GSDMD: variants seen among roughly 807,000 people sequenced by gnomAD.
GSDMD encodes gasdermin D, also known as gasdermin-D.
Under a neutral mutation model 46.7 loss-of-function variants are expected in GSDMD, and 46 were observed. The ratio of observed to expected loss-of-function variants is 0.99; its 90% CI spans 0.78 to 1.26. The LOEUF (loss-of-function observed/expected upper bound fraction) is 1.26, where lower values mean the gene tolerates loss of function less well. GSDMD is among the 50% of genes most tolerant of loss of function. The probability of loss-of-function intolerance (pLI) is 0.00; values close to 1 mark genes in which losing one functional copy is unlikely to be tolerated. For missense variants in GSDMD, 649 were observed against 638.8 expected, an observed-to-expected ratio of 1.02 and a Z score of -0.17; for synonymous variants, 307 against 283.1, an observed-to-expected ratio of 1.08 and a Z score of -0.85.
In GSDMD at chr8:143,560,624, C is replaced by CA; in HGVS notation, c.435dup (p.Val146SerfsTer17). On this transcript the variant is annotated frameshift_variant, in exon 4 of 11. Coordinates refer to ENST00000262580, the MANE Select transcript of GSDMD (RefSeq NM_024736.7). LOFTEE classifies it high-confidence loss of function. ...ACAGGCACCTGCGGCAGCCAGAACA[C>CA]AAAGTCCTGCAGCAGCTGCGCAGCC... The CA allele has an allele frequency of 1.3e-6, 2 of 1,588,220 alleles. No homozygotes were observed. The highest frequency in any genetic ancestry group is 1.7e-6 in the Non-Finnish European group (2 of 1,167,856).
At position 143,559,742 on chromosome 8, in the gene GSDMD, C is replaced by T. The variant is rs201573599; in HGVS notation, c.218-35C>T. 1,513 of 1,545,334 alleles carry T rather than the reference C, an allele frequency of 9.8e-4. 27 individuals carry two copies. The Admixed American group carries it at 0.025, about 25-fold the overall frequency. On this transcript the variant is annotated intron_variant, in intron 2 of 10. Transcript: ENST00000262580. Reference sequence around the variant, plus strand: ...TGGTGGGGGCGGGGGAGAGGCGGGGCGCTGGGCACAGCCTCAGGTCTGGCC... The same window carrying T: ...TGGTGGGGGCGGGGGAGAGGCGGGGTGCTGGGCACAGCCTCAGGTCTGGCC...
chr8:143,560,494 T>C (rs1348939933), intron 3 of GSDMD, 109 bp from the exon 4 acceptor site: 2 of 1,231,916 alleles, frequency 1.6e-6, no homozygotes, highest in Non-Finnish European at 2.2e-6. Flanking sequence ...CCCACAGACC[T>C]CTGGAGGGCC....
rs146361019 is a variant in GSDMD at position 143,559,880 on chromosome 8, G to A, written c.321G>A (p.Gly107=). The A allele has an allele frequency of 1.0e-4, 162 of 1,612,770 alleles. No homozygotes were observed. The African/African-American group carries it at 1.9e-3, about 19-fold the overall frequency. Residue 107 remains glycine (G), a synonymous_variant, in exon 3 of 11, where the codon GGG becomes GGA. Coordinates refer to ENST00000262580, the MANE Select transcript of GSDMD (RefSeq NM_024736.7). Reference sequence around the variant, plus strand: ...CAGGACAGGCAAAGATCGCAGGCGGGGCCGCGGTGTCTGACAGCTCCAGCA... The same window carrying A: ...CAGGACAGGCAAAGATCGCAGGCGGAGCCGCGGTGTCTGACAGCTCCAGCA... The part of the protein sequence containing the change: ...AAPGQAKIAG[G]AAVSDSSSTS...
At chr8:143,557,295 CG>C (rs1563902485), upstream of GSDMD, among the ~76,000 whole-genome samples, 246 of 130,848 alleles carry the variant, frequency 1.9e-3, 5 homozygotes, top group East Asian at 0.026. Context: ...GCCGCTATGG[CG>C]AAGGATGCTG....
chr8:143,555,939 T>C (rs778306426), upstream of GSDMD: 1 of 152,190 alleles, frequency 6.6e-6, no homozygotes, highest in Non-Finnish European at 1.5e-5. Context: ...TACAGCCAGG[T>C]GCGGTGACTC....
rs776026923 is a variant in GSDMD at position 143,561,695 on chromosome 8, C to A, written c.737-47C>A. On this transcript the variant is annotated intron_variant, in intron 6 of 10. Transcript: ENST00000262580. ...GCCTCAGCCCTCTCTGGCTCAGACA[C>A]CCTTCCCCGGCACTGACCAGCCCTG... 5.4e-6 allele frequency: 8 copies of A among 1,477,936 alleles called. No homozygotes were observed. The South Asian group carries it at 8.3e-5, about 15-fold the overall frequency. 91.6% of individuals were successfully genotyped at this position (1,477,936 alleles called of 1,614,324 possible).
intron 1 of GSDMD, 52 bp from the exon 2 acceptor site, chr8:143,559,280 T>TAACAA: frequency 1.7e-6 from 1 of 579,428 alleles, no homozygotes. Context: ...CTTCTCCCAC[T>TAACAA]CCCTCCCGCC....
At chr8:143,560,458 A>T in intron 3 of GSDMD, 145 bp from the exon 4 acceptor site, 1 of 818,194 alleles carries the variant, frequency 1.2e-6, no homozygotes, top group Non-Finnish European at 1.9e-6. Context: ...TGGGGAGCAC[A>T]CGGAGAGGCT....
At chr8:143,560,928 C>T (rs757673932) in intron 4 of GSDMD, 74 bp from the exon 5 acceptor site, 1 of 1,503,944 alleles carries the variant, frequency 6.6e-7, no homozygotes. Context: ...GGGCCTGCCC[C>T]CGGCACCCGG....
At position 143,559,904 on chromosome 8, in the gene GSDMD, C is replaced by T; in HGVS notation, c.345C>T (p.Ser115=). The T allele has an allele frequency of 6.2e-7, 1 of 1,612,852 alleles. No individual in the cohort carries two copies. The highest frequency in any genetic ancestry group is 8.5e-7 in the Non-Finnish European group (1 of 1,179,984). ...AGGAAVSDSS[S]TSMNVYSLSV... is the part of the protein sequence containing the mutation. ...GGGCCGCGGTGTCTGACAGCTCCAG[C>T]ACCTCAATGAATGTGTACTCGCTGA... Residue 115 remains serine, a synonymous_variant, in exon 3 of 11, where the codon AGC becomes AGT. Coordinates refer to ENST00000262580, the MANE Select transcript of GSDMD (RefSeq NM_024736.7).
In GSDMD at chr8:143,562,810, C is replaced by G. The variant is rs767513470; in HGVS notation, c.1361C>G (p.Pro454Arg). 5 of 1,605,592 alleles carry G rather than the reference C, an allele frequency of 3.1e-6. No homozygotes were observed. Among genetic ancestry groups the G allele is most frequent in the African/African-American group, 2.7e-5 (2 of 74,690 alleles). Residue 454 changes from proline (P) to arginine (R), a missense_variant, in exon 11 of 11, where the codon CCC (proline) becomes CGC (arginine). Physicochemically the swap from Pro to Arg is moderately radical, Grantham distance 103 (BLOSUM62 -2). Transcript: ENST00000262580. Reference protein sequence around the residue: ...ECGLELGEDTPHVCWEPQAQG... With the variant: ...ECGLELGEDTRHVCWEPQAQG... ...GGCCTAGAGCTGGGGGAGGACACTC[C>G]CCACGTGTGCTGGGAGCCGCAGGCC...
At chr8:143,557,335 GGTGAAGGATGCTGCCGCTT>G (rs1823321510), upstream of GSDMD, among the ~76,000 whole-genome samples, 1 of 41,066 alleles carries the variant, frequency 2.4e-5, no homozygotes, top group Non-Finnish European at 5.6e-5. Context: ...CTGCCGCTAT[GGTGAAGGATGCTGCCGCTT>G]TGGCGAAGGA....
chr8:143,561,972 G>A lies in GSDMD; in HGVS notation c.837G>A (p.Ala279=), dbSNP rs776726306. ...CTGTCCCTACAGATGGGGTCCCTGC[G>A]GAGGGGGCGTTCACTGAAGACTTCC... The part of the protein sequence containing the change: ...LHNFLTDGVP[A]EGAFTEDFQG... Residue 279 remains alanine, a synonymous_variant, in exon 8 of 11, where the codon GCG becomes GCA. Coordinates refer to ENST00000262580, the MANE Select transcript of GSDMD (RefSeq NM_024736.7). 9.3e-6 allele frequency: 15 copies of A among 1,608,548 alleles called. No individual in the cohort carries two copies. The highest frequency in any genetic ancestry group is 1.6e-4 in the Middle Eastern group (1 of 6,062).
Position 143,559,741 on chromosome 8 carries a change from G to T in GSDMD, c.218-36G>T, listed in dbSNP as rs560694622. On this transcript the variant is annotated intron_variant, in intron 2 of 10. Coordinates refer to ENST00000262580, the MANE Select transcript of GSDMD (RefSeq NM_024736.7). Reference sequence around the variant, plus strand: ...CTGGTGGGGGCGGGGGAGAGGCGGGGCGCTGGGCACAGCCTCAGGTCTGGC... The same window carrying T: ...CTGGTGGGGGCGGGGGAGAGGCGGGTCGCTGGGCACAGCCTCAGGTCTGGC... The T allele has an allele frequency of 4.2e-4, 655 of 1,554,330 alleles. 3 individuals carry two copies. The African/African-American group carries it at 7.8e-3, about 18-fold the overall frequency.
chr8:143,558,876 G>A (rs1478452457), intron 1 of GSDMD: 2 of 488,060 alleles, frequency 4.1e-6, no homozygotes, highest in African/African-American at 2.1e-5. Context: ...GGCTCATGGA[G>A]CTCCAGGCAC....
In GSDMD at chr8:143,561,184, T is replaced by C. The variant is rs1451495644; in HGVS notation, c.682+80T>C. The C allele has an allele frequency of 2.2e-6, 3 of 1,365,902 alleles. No individual in the cohort carries two copies. In the Admixed American group the frequency reaches 5.7e-5, roughly 26 times the overall value. The allele number at this position is 1,365,902 out of a possible 1,614,324, so 84.6% of individuals were successfully genotyped here. A position where few individuals can be genotyped will look rare whatever the true frequency, so the allele number is the denominator to read the frequency against. ...GCCTGGGGAGAGCTACCCGCCAGCTTGGGCTGCCGTGGGCCCCTGGCTGAA... is the reference window on the plus strand; with the variant it reads ...GCCTGGGGAGAGCTACCCGCCAGCTCGGGCTGCCGTGGGCCCCTGGCTGAA... On this transcript the variant is annotated intron_variant, in intron 5 of 10. Transcript: ENST00000262580.
At position 143,560,841 on chromosome 8, in the gene GSDMD, G is replaced by C. The variant is rs536461751; in HGVS notation, c.579+70G>C. 292 of 1,447,798 alleles carry C rather than the reference G, an allele frequency of 2.0e-4. 5 individuals are homozygous for C. The South Asian group carries it at 3.9e-3, about 19-fold the overall frequency. The allele number at this position is 1,447,798 out of a possible 1,614,324, so 89.7% of individuals were successfully genotyped here. ...TGCGGCGGCGGGTGACGGAGGCGGC[G>C]GGCTGGGCTCCGCCAAGGCCCCTCG... On this transcript the variant is annotated intron_variant, in intron 4 of 10. Coordinates refer to ENST00000262580, the MANE Select transcript of GSDMD (RefSeq NM_024736.7).
At position 143,559,877 on chromosome 8, in the gene GSDMD, C is replaced by A. The variant is rs780411604; in HGVS notation, c.318C>A (p.Gly106=). ...CCCCAGGACAGGCAAAGATCGCAGGCGGGGCCGCGGTGTCTGACAGCTCCA... is the reference window on the plus strand; with the variant it reads ...CCCCAGGACAGGCAAAGATCGCAGGAGGGGCCGCGGTGTCTGACAGCTCCA... ...LAAPGQAKIA[G]GAAVSDSSST... Residue 106 remains glycine (G), a synonymous_variant, in exon 3 of 11, where the codon GGC becomes GGA. Transcript: ENST00000262580. The A allele has an allele frequency of 9.9e-6, 16 of 1,612,742 alleles. No homozygotes were observed. The highest frequency in any genetic ancestry group is 1.3e-5 in the African/African-American group (1 of 75,048).
intron 1 of GSDMD, chr8:143,558,811 C>T: frequency 1.7e-6 from 1 of 572,646 alleles, no homozygotes. Context: ...TGCCCCCTAT[C>T]CCAGCGGAGG....
Sources: allele counts gnomAD v4.1 joint callset (sites outside exome capture counted in the v4.1 genomes callset), GRCh38; gene constraint gnomAD v4.1.1; transcripts MANE v1.5; gene names NCBI Gene and HGNC (gene_info 2026-07-23, HGNC 2026-07-21).